Variants in NKAIN2 observed in about 807,000 individuals in gnomAD.
The protein encoded by NKAIN2 is sodium/potassium-transporting ATPase subunit beta-1-interacting protein 2.
Under a neutral mutation model 32.6 loss-of-function variants are expected in NKAIN2, and 14 were observed. The ratio of observed to expected loss-of-function variants is 0.43; its 90% confidence interval spans 0.28 to 0.67. The LOEUF is 0.67. NKAIN2 is among the 30% of genes least tolerant of loss of function. The pLI, the probability that NKAIN2 is intolerant of heterozygous loss-of-function variation, is 0.17. For missense variants in NKAIN2, 198 were observed against 258.3 expected, an observed-to-expected ratio of 0.77 and a Z score of 1.60; for synonymous variants, 80 against 87.2, an observed-to-expected ratio of 0.92 and a Z score of 0.46.
chr6:124,057,614 T>C (rs766631500), intron 1 of NKAIN2, among the ~76,000 whole-genome samples: 102 of 151,950 alleles, frequency 6.7e-4, no homozygotes, highest in Admixed American at 1.1e-3. Flanking sequence ...AGTGGAAGTG[T>C]TCCTGGAGTT....
chr6:124,791,664 G>A (rs1455844377), intron 5 of NKAIN2, among the ~76,000 whole-genome samples: 2 of 152,158 alleles, frequency 1.3e-5, no homozygotes, highest in South Asian at 4.1e-4. Flanking sequence ...AACAATTCTA[G>A]TAGGGAACAG....
At chr6:124,733,791 A>G (rs1172283031) in intron 4 of NKAIN2, among the ~76,000 whole-genome samples, 1 of 151,824 alleles carries the variant, frequency 6.6e-6, no homozygotes, top group Non-Finnish European at 1.5e-5. Context: ...ATACACATGT[A>G]TAAGCACACA....
chr6:124,426,585 G>T (rs183439684), intron 3 of NKAIN2, among the ~76,000 whole-genome samples: 6 of 152,260 alleles, frequency 3.9e-5, no homozygotes, highest in Admixed American at 6.5e-5. Flanking sequence ...CATTAAGAAA[G>T]TGCAGTTAAA....
At chr6:123,981,610 T>C (rs938542680) in intron 1 of NKAIN2, among the ~76,000 whole-genome samples, 2 of 152,184 alleles carry the variant, frequency 1.3e-5, no homozygotes, top group African/African-American at 4.8e-5. Context: ...GAATGGCCTG[T>C]GGAGTTTCAG....
At chr6:123,919,810 G>A (rs1194446077) in intron 1 of NKAIN2, among the ~76,000 whole-genome samples, 1 of 152,044 alleles carries the variant, frequency 6.6e-6, no homozygotes, top group East Asian at 1.9e-4. Context: ...TGGCAGCCAT[G>A]GGATAATATG....
At chr6:124,063,292 C>T (rs192833353) in intron 1 of NKAIN2, among the ~76,000 whole-genome samples, 1 of 152,056 alleles carries the variant, frequency 6.6e-6, no homozygotes, top group Admixed American at 6.6e-5. Context: ...ATGTAACTGG[C>T]CCAAGGACAC....
At chr6:124,026,986 AT>A in intron 1 of NKAIN2, among the ~76,000 whole-genome samples, 1 of 151,256 alleles carries the variant, frequency 6.6e-6, no homozygotes, top group Admixed American at 6.6e-5. Context: ...TCTGCCTCAA[AT>A]TTTTTCTTCC....
intron 1 of NKAIN2, among the ~76,000 whole-genome samples, chr6:123,910,891 A>G (rs535468512): frequency 6.6e-6 from 1 of 152,106 alleles, no homozygotes; most frequent in South Asian, 2.1e-4. Context: ...ATTTAGATTG[A>G]GCCTTTATTT....
At chr6:124,567,084 T>C (rs1034691404) in intron 3 of NKAIN2, among the ~76,000 whole-genome samples, 5 of 152,244 alleles carry the variant, frequency 3.3e-5, no homozygotes, top group Middle Eastern at 3.2e-3. Context: ...ATGTCTCTTC[T>C]TGGGGCTCAG....
At chr6:123,912,647 C>A (rs1193704306) in intron 1 of NKAIN2, among the ~76,000 whole-genome samples, 7 of 152,152 alleles carry the variant, frequency 4.6e-5, no homozygotes, top group Non-Finnish European at 1.0e-4. Context: ...TCTCTTGCTT[C>A]CTCTCTTGCC....
At chr6:124,025,719 A>G (rs569518894) in intron 1 of NKAIN2, among the ~76,000 whole-genome samples, 1 of 152,302 alleles carries the variant, frequency 6.6e-6, no homozygotes, top group South Asian at 2.1e-4. Flanking sequence ...GTGTGAGGTG[A>G]TGGATATGTT....
intron 5 of NKAIN2, among the ~76,000 whole-genome samples, chr6:124,804,705 G>A (rs1780441341): frequency 6.6e-6 from 1 of 152,252 alleles, no homozygotes; most frequent in Non-Finnish European, 1.5e-5. Context: ...CCTCACTCGG[G>A]AAGCGCAAGG....
At chr6:124,818,672 T>A (rs1781273230) in intron 6 of NKAIN2, among the ~76,000 whole-genome samples, 1 of 152,128 alleles carries the variant, frequency 6.6e-6, no homozygotes, top group Non-Finnish European at 1.5e-5. Context: ...ATGCCATTTC[T>A]AAAGTTATAT....
intron 3 of NKAIN2, among the ~76,000 whole-genome samples, chr6:124,558,548 T>G (rs2114885321): frequency 6.6e-6 from 1 of 152,342 alleles, no homozygotes; most frequent in East Asian, 1.9e-4. Context: ...TGTATCTTTA[T>G]TCCTTTAAGG....
At chr6:124,288,995 T>G (rs992446274) in intron 2 of NKAIN2, among the ~76,000 whole-genome samples, 1 of 152,090 alleles carries the variant, frequency 6.6e-6, no homozygotes, top group Non-Finnish European at 1.5e-5. Flanking sequence ...AAGCAAGAGA[T>G]GAAATTAATG....
At position 124,407,086 on chromosome 6, in the gene NKAIN2, C is replaced by A. The variant is rs918808157; in HGVS notation, c.273+51739C>A. On this transcript the variant is annotated intron_variant, in intron 3 of 6. Coordinates refer to ENST00000368417, the MANE Select transcript of NKAIN2 (RefSeq NM_001040214.3). The stretch of plus-strand genomic sequence containing the variant: ...AAATGTTTTTCTTTTATCGATCAAG[C>A]TTTTGATGTCATTTATACCAAACTC... Among the ~76,000 whole-genome samples the A allele has an allele frequency of 2.0e-5, 3 of 151,998 alleles. No homozygotes were observed. The South Asian group carries it at 6.2e-4, about 32-fold the overall frequency.
At chr6:124,671,631 T>G (rs1410400413) in intron 4 of NKAIN2, among the ~76,000 whole-genome samples, 1 of 152,118 alleles carries the variant, frequency 6.6e-6, no homozygotes, top group Non-Finnish European at 1.5e-5. Flanking sequence ...AATCTGTTTT[T>G]GCCTTAATCC....
At chr6:123,919,936 T>G (rs1238753944) in intron 1 of NKAIN2, among the ~76,000 whole-genome samples, 1 of 152,062 alleles carries the variant, frequency 6.6e-6, no homozygotes, top group Non-Finnish European at 1.5e-5. Flanking sequence ...AATGTTAACT[T>G]TAATTTATTC....
intron 3 of NKAIN2, among the ~76,000 whole-genome samples, chr6:124,442,106 C>T (rs777810311): frequency 2.0e-5 from 3 of 151,980 alleles, no homozygotes; most frequent in Non-Finnish European, 2.9e-5. Context: ...AACATGCCAC[C>T]AATCCAGACC....
Sources: allele counts gnomAD v4.1 joint callset (sites outside exome capture counted in the v4.1 genomes callset), GRCh38; gene constraint gnomAD v4.1.1; transcripts MANE v1.5; gene names NCBI Gene and HGNC (gene_info 2026-07-23, HGNC 2026-07-21).